LRRIQ1: variants seen among roughly 807,000 people sequenced by gnomAD.
LRRIQ1 encodes leucine-rich repeat- and IQ domain-containing protein 1.
A neutral mutation model predicts 211.9 loss-of-function variants in LRRIQ1; 210 were observed. The observed-to-expected ratio is 0.99, with a 90% CI of 0.89 to 1.11. The LOEUF is 1.11. Among genes scored for constraint, LRRIQ1 ranks in the 50% most tolerant of loss-of-function variants. LRRIQ1 has a pLI of 0.00. For missense variants in LRRIQ1, 2,136 were observed against 1,939.5 expected, an observed-to-expected ratio of 1.10 and a Z score of -1.90; for synonymous variants, 699 against 650.1, an observed-to-expected ratio of 1.08 and a Z score of -1.14.
intron 24 of LRRIQ1, among the ~76,000 whole-genome samples, chr12:85,206,171 G>A (rs967290455): frequency 2.0e-5 from 3 of 152,192 alleles, no homozygotes; most frequent in African/African-American, 4.8e-5. Flanking sequence ...TGACTTCCAG[G>A]TGGGCTTTGG....
chr12:85,122,704 G>T (rs1229411839), intron 16 of LRRIQ1, among the ~76,000 whole-genome samples: 1 of 151,794 alleles, frequency 6.6e-6, no homozygotes, highest in African/African-American at 2.4e-5. Flanking sequence ...AAATATTTTT[G>T]AACATAGTCT....
Position 85,245,063 on chromosome 12 carries a change from T to C in LRRIQ1, c.*122T>C. The C allele has an allele frequency of 7.3e-7, 1 of 1,374,306 alleles. No homozygotes were observed. Among genetic ancestry groups the C allele is most frequent in the Non-Finnish European group, 9.6e-7 (1 of 1,042,274 alleles). 85.1% of individuals were successfully genotyped at this position (1,374,306 alleles called of 1,614,324 possible). The stretch of plus-strand genomic sequence containing the variant: ...TTTAAATTTTTTCTTTCTTTAAATA[T>C]CCTCTTTTGATATAAACAAAATTAA... On this transcript the variant is annotated 3_prime_UTR_variant, in exon 27 of 27. Coordinates refer to ENST00000393217, the MANE Select transcript of LRRIQ1 (RefSeq NM_001079910.2).
intron 21 of LRRIQ1, 66 bp downstream of exon 21, chr12:85,153,211 A>ACTGAGCGAGGAAAGATGTGGTAT: frequency 5.1e-6 from 7 of 1,366,520 alleles, no homozygotes; most frequent in Non-Finnish European, 7.0e-6. Context: ...ATCATACAAA[A>ACTGAGCGAGGAAAGATGTGGTAT]GTAGTACAAT....
chr12:85,128,171 G>A, intron 18 of LRRIQ1, 138 bp downstream of exon 18: 1 of 756,556 alleles, frequency 1.3e-6, no homozygotes, highest in East Asian at 2.7e-5. Flanking sequence ...GTGACATGTT[G>A]GCTGCAGGTT....
rs1881076064 is a variant in LRRIQ1, at chr12:85,056,404, A to G, written c.1611A>G (p.Glu537=). The change falls in exon 8 of 27, where the codon GAA becomes GAG. Residue 537 remains glutamate, a synonymous_variant. Coordinates refer to ENST00000393217, the MANE Select transcript of LRRIQ1 (RefSeq NM_001079910.2). Reference sequence around the variant, plus strand: ...AATTAAAGTCTGATGCACAAAAAGAAGAAAAAATCATGAAACATGTCATAA... The same window carrying G: ...AATTAAAGTCTGATGCACAAAAAGAGGAAAAAATCATGAAACATGTCATAA... The part of the protein sequence containing the change: ...LQELKSDAQK[E]EKIMKHVINE... 6.3e-7 allele frequency: 1 copy of G among 1,588,262 alleles called. No homozygotes were observed. The highest frequency in any genetic ancestry group is 8.5e-7 in the Non-Finnish European group (1 of 1,173,376).
intron 24 of LRRIQ1, among the ~76,000 whole-genome samples, chr12:85,181,944 T>C (rs1467418929): frequency 6.6e-6 from 1 of 152,110 alleles, no homozygotes; most frequent in Non-Finnish European, 1.5e-5. Flanking sequence ...TTCTTTGATA[T>C]ATTTCTGTTA....
At chr12:85,116,856 A>C (rs1443182794) in intron 15 of LRRIQ1, among the ~76,000 whole-genome samples, 1 of 150,756 alleles carries the variant, frequency 6.6e-6, no homozygotes, top group Non-Finnish European at 1.5e-5. Flanking sequence ...AGCTCCATCC[A>C]TGTTACCACA....
intron 18 of LRRIQ1, among the ~76,000 whole-genome samples, chr12:85,133,569 G>C (rs1050617472): frequency 3.3e-5 from 5 of 152,158 alleles, no homozygotes; most frequent in Non-Finnish European, 7.4e-5. Flanking sequence ...GGTGAGGTTT[G>C]ATTGAAACAG....
Position 85,038,188 on chromosome 12 carries a change from T to G in LRRIQ1, c.12T>G (p.Asp4Glu). Reference protein sequence around the residue: MDDDDAKLKAEIEA... With the variant: MDDEDAKLKAEIEA... The stretch of plus-strand genomic sequence containing the variant: ...TATTATGAAGAATAATGGACGATGA[T>G]GATGCAAAGCTCAAAGCAGAAATAG... Residue 4 changes from aspartate to glutamate, a missense_variant, in exon 2 of 27, where the codon GAT (aspartate) becomes GAG (glutamate). Transcript: ENST00000393217. The G allele has an allele frequency of 6.4e-7, 1 of 1,563,188 alleles. No individual in the cohort carries two copies. Among genetic ancestry groups the G allele is most frequent in the Non-Finnish European group, 8.7e-7 (1 of 1,152,664 alleles).
chr12:85,115,120 T>C (rs1164557648), intron 15 of LRRIQ1, among the ~76,000 whole-genome samples: 1 of 152,194 alleles, frequency 6.6e-6, no homozygotes, highest in Non-Finnish European at 1.5e-5. Context: ...TGGTGGAATA[T>C]TCACCAGGAA....
chr12:85,269,408 A>G (rs1896487968), downstream of LRRIQ1, among the ~76,000 whole-genome samples: 1 of 152,070 alleles, frequency 6.6e-6, no homozygotes, highest in South Asian at 2.1e-4. Flanking sequence ...TGAAGCGATA[A>G]CAATCAAGTT....
Position 85,065,270 on chromosome 12 carries a change from A to G in LRRIQ1, c.2400A>G (p.Thr800=), listed in dbSNP as rs1325065457. The change falls in exon 9 of 27, where the codon ACA becomes ACG. Residue 800 remains threonine, a synonymous_variant. Transcript: ENST00000393217. ...TTTCTTGGTTCCTCTAGGTTACAAC[A>G]GTTACATTTCAAGATTTGCCAGGCT... ...GPWDTLQQVT[T]VTFQDLPGCV... 1 of 1,607,456 alleles carries G rather than the reference A, an allele frequency of 6.2e-7. No individual in the cohort carries two copies. The highest frequency in any genetic ancestry group is 1.3e-5 in the African/African-American group (1 of 74,412).
intron 15 of LRRIQ1, 107 bp from the exon 16 acceptor site, chr12:85,121,590 A>C (rs1014952005): frequency 3.9e-6 from 3 of 766,916 alleles, no homozygotes; most frequent in African/African-American, 3.6e-5. Context: ...ATTTTCTGAG[A>C]TATATATCCT....
At chr12:85,256,275 T>C (rs966699821) in intron 1 of LRRIQ1, among the ~76,000 whole-genome samples, 3 of 151,732 alleles carry the variant, frequency 2.0e-5, no homozygotes, top group African/African-American at 7.2e-5. Flanking sequence ...GCATGCTCTA[T>C]TGATAATACA....
At chr12:85,209,453 A>G (rs1592973736) in intron 24 of LRRIQ1, among the ~76,000 whole-genome samples, 1 of 152,304 alleles carries the variant, frequency 6.6e-6, no homozygotes. Flanking sequence ...TTCTACTACC[A>G]TATGTGGGGA....
At chr12:85,083,479 C>T (rs954862272) in intron 11 of LRRIQ1, among the ~76,000 whole-genome samples, 8 of 149,492 alleles carry the variant, frequency 5.4e-5, no homozygotes, top group Non-Finnish European at 8.9e-5. Flanking sequence ...CTCACTCTGT[C>T]GCCAGGCTGG....
At chr12:85,205,520 G>A (rs2137039876) in intron 24 of LRRIQ1, among the ~76,000 whole-genome samples, 1 of 152,152 alleles carries the variant, frequency 6.6e-6, no homozygotes, top group South Asian at 2.1e-4. Context: ...CACTCTATCT[G>A]CCTTTAACAT....
chr12:85,081,016 G>T (rs551160528), intron 11 of LRRIQ1, among the ~76,000 whole-genome samples: 3 of 151,884 alleles, frequency 2.0e-5, no homozygotes, highest in African/African-American at 7.3e-5. Context: ...CTATACATTG[G>T]TATTGAGATT....
chr12:85,147,396 C>T (rs1889960518), intron 19 of LRRIQ1, among the ~76,000 whole-genome samples: 1 of 151,796 alleles, frequency 6.6e-6, no homozygotes, highest in African/African-American at 2.4e-5. Context: ...TGATTCCAGT[C>T]ATTCTTATTA....
Sources: allele counts gnomAD v4.1 joint callset (sites outside exome capture counted in the v4.1 genomes callset), GRCh38; gene constraint gnomAD v4.1.1; transcripts MANE v1.5; gene names NCBI Gene and HGNC (gene_info 2026-07-23, HGNC 2026-07-21).